The following VAV1 variants were observed in gnomAD, a reference collection of about 807,000 sequenced individuals.
VAV1 encodes proto-oncogene vav.
Under a neutral mutation model 128.1 loss-of-function variants are expected in VAV1, and 33 were observed. The observed-to-expected ratio is 0.26, with a 90% CI of 0.20 to 0.34. The LOEUF (loss-of-function observed/expected upper bound fraction) is 0.34, where lower values mean the gene tolerates loss of function less well. Ranked by LOEUF, VAV1 falls within the 10% of genes least tolerant of loss-of-function variation. The pLI, the probability that VAV1 is intolerant of heterozygous loss-of-function variation, is 1.00. For missense variants in VAV1, 715 were observed against 1,093.7 expected (o/e 0.65, Z 4.88); for synonymous variants, 394 against 409.8 (o/e 0.96, Z 0.47).
intron 1 of VAV1, among the ~76,000 whole-genome samples, chr19:6,815,998 A>T (rs935113815): frequency 1.1e-4 from 16 of 151,654 alleles, no homozygotes; most frequent in African/African-American, 3.9e-4. Context: ...CAACATAATG[A>T]AACTCTCTGT....
intron 1 of VAV1, among the ~76,000 whole-genome samples, chr19:6,807,574 G>T (rs560036410): frequency 6.6e-6 from 1 of 152,034 alleles, no homozygotes; most frequent in African/African-American, 2.4e-5. Context: ...ACCATGGACC[G>T]GTACCAGGAG....
intron 9 of VAV1, 116 bp from the exon 10 acceptor site, chr19:6,827,960 C>A: frequency 1.2e-6 from 1 of 832,720 alleles, no homozygotes; most frequent in Non-Finnish European, 1.9e-6. Flanking sequence ...GAAAAATTCC[C>A]ACAGCTCTGG....
At chr19:6,781,637 T>C (rs952566455) in intron 1 of VAV1, among the ~76,000 whole-genome samples, 1 of 151,656 alleles carries the variant, frequency 6.6e-6, no homozygotes, top group African/African-American at 2.4e-5. Flanking sequence ...AGGCTGAGTC[T>C]TTCTCTGTTG....
chr19:6,779,581 C>A (rs918888976), intron 1 of VAV1, among the ~76,000 whole-genome samples: 1 of 150,508 alleles, frequency 6.6e-6, no homozygotes, highest in African/African-American at 2.4e-5. Flanking sequence ...AGGGGCCTGG[C>A]TGGATGCAGT....
intron 1 of VAV1, among the ~76,000 whole-genome samples, chr19:6,803,336 G>A (rs1971315412): frequency 6.6e-6 from 1 of 152,196 alleles, no homozygotes; most frequent in African/African-American, 2.4e-5. Context: ...TAACTTCTGG[G>A]TTGTCGGGTC....
At chr19:6,807,073 G>A (rs1324941495) in intron 1 of VAV1, among the ~76,000 whole-genome samples, 1 of 152,182 alleles carries the variant, frequency 6.6e-6, no homozygotes, top group Admixed American at 6.6e-5. Flanking sequence ...TAAACCTATA[G>A]AGCAGCAGTC....
intron 1 of VAV1, among the ~76,000 whole-genome samples, chr19:6,784,991 T>C (rs1455703618): frequency 6.6e-6 from 1 of 152,136 alleles, no homozygotes; most frequent in Non-Finnish European, 1.5e-5. Flanking sequence ...CCTCTGTCCA[T>C]CTCTCAGCCC....
In VAV1 at chr19:6,826,766, GGC is replaced by G; in HGVS notation, c.927+56_927+57del. The G allele has an allele frequency of 7.1e-7, 1 of 1,408,208 alleles. No homozygotes were observed. The highest frequency in any genetic ancestry group is 9.7e-7 in the Non-Finnish European group (1 of 1,030,708). The allele number at this position is 1,408,208 out of a possible 1,614,324, so 87.2% of individuals were successfully genotyped here. A position where few individuals can be genotyped will look rare whatever the true frequency, so the allele number is the denominator to read the frequency against. On this transcript the variant is annotated intron_variant, in intron 9 of 26. Coordinates refer to ENST00000602142, the MANE Select transcript of VAV1 (RefSeq NM_005428.4). This position sits in a 1 kb window ranked among gnomAD's most constrained non-coding sequence, Gnocchi z 4.1. ...CTCCCGCTCCTCCCCAGGCCCTGGG[GGC>G]AGCAGGGAGGACACTGAGTTGCAGA... is the stretch of plus-strand genomic sequence containing the variant.
intron 9 of VAV1, among the ~76,000 whole-genome samples, chr19:6,827,384 C>T (rs1971943947): frequency 6.6e-6 from 1 of 152,116 alleles, no homozygotes; most frequent in Non-Finnish European, 1.5e-5. Context: ...CCTCCCAACT[C>T]CTACCTTGGC....
At chr19:6,818,841 C>T (rs529875285) in intron 1 of VAV1, among the ~76,000 whole-genome samples, 4 of 152,106 alleles carry the variant, frequency 2.6e-5, no homozygotes, top group East Asian at 1.9e-4. Context: ...ACTGGCCGGG[C>T]GTGGTGGCTC....
Position 6,791,712 on chromosome 19 carries a change from G to A in VAV1, c.204+18701G>A, listed in dbSNP as rs566020867. Among the ~76,000 whole-genome samples, 36 of 152,240 alleles carry A rather than the reference G, an allele frequency of 2.4e-4. No individual in the cohort carries two copies. In the South Asian group the frequency reaches 6.0e-3, roughly 25 times the overall value. On this transcript the variant is annotated intron_variant, in intron 1 of 26. Coordinates refer to ENST00000602142, the MANE Select transcript of VAV1 (RefSeq NM_005428.4). ...CAGACAGTAAACAAATAGACAAAACGCTGGCACATTGTAATAAATGTCACA... is the reference window on the plus strand; with the variant it reads ...CAGACAGTAAACAAATAGACAAAACACTGGCACATTGTAATAAATGTCACA...
At chr19:6,790,398 A>C (rs1970992775) in intron 1 of VAV1, among the ~76,000 whole-genome samples, 1 of 152,022 alleles carries the variant, frequency 6.6e-6, no homozygotes, top group African/African-American at 2.4e-5. Context: ...CACGGATCGG[A>C]TGTCTTAGAA....
chr19:6,814,449 T>A (rs966624916), intron 1 of VAV1, among the ~76,000 whole-genome samples: 10 of 152,260 alleles, frequency 6.6e-5, no homozygotes, highest in Middle Eastern at 3.4e-3. Context: ...ATTTTTTTTT[T>A]AATTTGTGAG....
intron 26 of VAV1, among the ~76,000 whole-genome samples, chr19:6,856,730 GA>G (rs1222535432): frequency 0.11 from 7,821 of 69,002 alleles, 211 homozygotes; most frequent in African/African-American, 0.16. Flanking sequence ...TCTCAAAAAA[GA>G]AAAAAAAAAA....
intron 1 of VAV1, among the ~76,000 whole-genome samples, chr19:6,819,717 T>C (rs162725): frequency 0.045 from 6,893 of 151,788 alleles, 228 homozygotes; most frequent in Non-Finnish European, 0.073. Context: ...GTGTTGGGGG[T>C]TGTGGGAGAG....
intron 1 of VAV1, among the ~76,000 whole-genome samples, chr19:6,797,478 G>A (rs962517725): frequency 4.6e-5 from 7 of 152,146 alleles, no homozygotes; most frequent in Middle Eastern, 3.4e-3. Context: ...CAAGGCGGGC[G>A]GATCATCTGA....
intron 1 of VAV1, among the ~76,000 whole-genome samples, chr19:6,804,917 T>G (rs1266014739): frequency 7.3e-5 from 11 of 150,582 alleles, no homozygotes; most frequent in Non-Finnish European, 1.5e-4. Flanking sequence ...TAGAGATGAG[T>G]TTTCACCATG....
chr19:6,776,730 A>G (rs1243225092), intron 1 of VAV1, among the ~76,000 whole-genome samples: 1 of 149,936 alleles, frequency 6.7e-6, no homozygotes, highest in Non-Finnish European at 1.5e-5. Flanking sequence ...CTATCCATGG[A>G]TCCATCCATC....
intron 1 of VAV1, among the ~76,000 whole-genome samples, chr19:6,804,862 T>A (rs1277291853): frequency 2.0e-5 from 3 of 151,860 alleles, no homozygotes; most frequent in Non-Finnish European, 2.9e-5. Context: ...TAGCTGGGAC[T>A]ACAGGCGCCC....
Sources: gnomAD v4.1 joint callset for allele counts (sites outside exome capture counted in the v4.1 genomes callset) on GRCh38, gnomAD v4.1.1 for gene constraint, Gnocchi (gnomAD v3.1) non-coding constraint, MANE v1.5 for transcripts, NCBI Gene and HGNC (gene_info 2026-07-23, HGNC 2026-07-21) for gene names.